Variants in ANO1 observed in about 807,000 individuals in gnomAD.
ANO1 encodes the protein anoctamin 1, also known as anoctamin-1.
ANO1 carries 59 observed loss-of-function variants against 124.0 expected under a neutral mutation model. The observed-to-expected ratio is 0.48, with a 90% CI of 0.39 to 0.59. The LOEUF is 0.59. Among genes scored for constraint, ANO1 ranks in the 20% least tolerant of loss-of-function variants. ANO1 has a pLI of 0.00. For synonymous variants in ANO1, 529 were observed against 532.0 expected (o/e 0.99, Z 0.08); for missense variants, 1,059 against 1,328.0 (o/e 0.80, Z 3.15).
intron 1 of ANO1, among the ~76,000 whole-genome samples, chr11:69,991,410 C>G (rs1352254461): frequency 6.6e-6 from 1 of 152,176 alleles, no homozygotes; most frequent in African/African-American, 2.4e-5. Flanking sequence ...GAGACAGATT[C>G]CTCCATTGAC....
chr11:70,046,763 A>G (rs1350063357), intron 1 of ANO1, among the ~76,000 whole-genome samples: 1 of 152,078 alleles, frequency 6.6e-6, no homozygotes, highest in Non-Finnish European at 1.5e-5. Context: ...ATGATGTAAA[A>G]TGGGATCCTG....
chr11:70,168,575 T>C (rs1387282236), intron 21 of ANO1, among the ~76,000 whole-genome samples: 1 of 152,016 alleles, frequency 6.6e-6, no homozygotes, highest in African/African-American at 2.4e-5. Flanking sequence ...CAGTGGGTGC[T>C]CAATGTGTGT....
chr11:70,155,651 G>A (rs1306838123), intron 14 of ANO1, among the ~76,000 whole-genome samples: 4 of 152,214 alleles, frequency 2.6e-5, no homozygotes, highest in African/African-American at 4.8e-5. Context: ...GGCATGACGC[G>A]GTCCAGTGGA....
intron 1 of ANO1, among the ~76,000 whole-genome samples, chr11:70,053,943 C>A (rs782076976): frequency 6.6e-6 from 1 of 152,186 alleles, no homozygotes; most frequent in Non-Finnish European, 1.5e-5. Context: ...TCCGTTTTCT[C>A]TAGATTTTCC....
intron 11 of ANO1, among the ~76,000 whole-genome samples, chr11:70,141,373 G>A (rs2047148348): frequency 6.6e-6 from 1 of 152,130 alleles, no homozygotes; most frequent in Non-Finnish European, 1.5e-5. Flanking sequence ...TCTGGGAGTG[G>A]GGGACTCTGT....
intron 5 of ANO1, among the ~76,000 whole-genome samples, chr11:70,107,614 T>A (rs935882001): frequency 1.1e-4 from 16 of 152,024 alleles, no homozygotes; most frequent in African/African-American, 3.9e-4. Context: ...GCACGACCAG[T>A]TCTTCTCACC....
intron 1 of ANO1, among the ~76,000 whole-genome samples, chr11:70,066,583 T>C (rs1857725554): frequency 6.7e-6 from 1 of 148,822 alleles, no homozygotes; most frequent in South Asian, 2.1e-4. Context: ...ATGTCTGCAA[T>C]GTGTTGAGGG....
intron 1 of ANO1, chr11:70,018,399 T>C (rs1368517105): frequency 6.6e-6 from 1 of 152,114 alleles, no homozygotes; most frequent in Non-Finnish European, 1.5e-5. Context: ...TCCAGCATCA[T>C]GGATGGATGG....
At chr11:70,004,910 C>T (rs547385773) in intron 1 of ANO1, among the ~76,000 whole-genome samples, 6 of 152,198 alleles carry the variant, frequency 3.9e-5, no homozygotes, top group South Asian at 4.2e-4. Context: ...GTCAGGAGTT[C>T]GAGACCAGCC....
chr11:70,089,763 G>A (rs562289706), intron 2 of ANO1, among the ~76,000 whole-genome samples: 5 of 152,322 alleles, frequency 3.3e-5, no homozygotes, highest in East Asian at 1.9e-4. Context: ...TGGAACAGGC[G>A]AGCAGTGGAT....
intron 6 of ANO1, among the ~76,000 whole-genome samples, chr11:70,108,986 C>A (rs2045665752): frequency 6.6e-6 from 1 of 152,204 alleles, no homozygotes; most frequent in African/African-American, 2.4e-5. Flanking sequence ...CTGGGAACCA[C>A]CCCCCACAGT....
At chr11:69,982,861 A>C (rs1328108335), upstream of ANO1, among the ~76,000 whole-genome samples, 3 of 152,160 alleles carry the variant, frequency 2.0e-5, no homozygotes, top group Admixed American at 6.5e-5. Context: ...CGAACTGAAA[A>C]CAGACTTCCT....
chr11:70,185,694 A>T lies in ANO1; in HGVS notation c.2693A>T (p.Gln898Leu). The change falls in exon 25 of 26, where the codon CAG (glutamine) becomes CTG (leucine). Residue 898 changes from glutamine to leucine, a missense_variant and splice_region_variant. Around this residue, in one of 2 missense-constraint regions of ANO1, gnomAD observed 809 missense variants for 1,094.9 expected, o/e 0.74. Transcript: ENST00000355303. ...CGGCTGGCGTTTGTCATCGTCTTCC[A>T]GGTGCGGTGGGTCCCTCTTTGTTTC... ...AARLAFVIVF[Q>L]NLVMFMSDFV... 1 of 1,613,646 alleles carries T rather than the reference A, an allele frequency of 6.2e-7. No individual in the cohort carries two copies. Among genetic ancestry groups the T allele is most frequent in the Non-Finnish European group, 8.5e-7 (1 of 1,179,620 alleles).
upstream of ANO1, among the ~76,000 whole-genome samples, chr11:69,985,267 C>T (rs1856014560): frequency 1.3e-5 from 2 of 150,478 alleles, no homozygotes; most frequent in South Asian, 4.2e-4. Context: ...CATTCCCCCA[C>T]TTTGAAACCC....
intron 2 of ANO1, among the ~76,000 whole-genome samples, chr11:70,100,975 G>T (rs1233192769): frequency 1.3e-5 from 2 of 152,204 alleles, no homozygotes; most frequent in African/African-American, 4.8e-5. Context: ...CGTAGGGCAG[G>T]CCTCGTGGAC....
intron 21 of ANO1, among the ~76,000 whole-genome samples, chr11:70,168,537 C>T (rs373569004): frequency 6.6e-6 from 1 of 152,108 alleles, no homozygotes; most frequent in African/African-American, 2.4e-5. Context: ...CATCCCATAG[C>T]CCTACCCCTA....
chr11:70,186,186 C>T (rs754741376), intron 25 of ANO1, among the ~76,000 whole-genome samples: 2 of 151,984 alleles, frequency 1.3e-5, no homozygotes, highest in Non-Finnish European at 2.9e-5. Flanking sequence ...ACTCAGGAGG[C>T]TGAGGCAAGA....
chr11:70,150,124 C>T (rs772686911), intron 12 of ANO1, among the ~76,000 whole-genome samples: 3 of 152,180 alleles, frequency 2.0e-5, no homozygotes, highest in Non-Finnish European at 4.4e-5. Flanking sequence ...CCTGGGCTGT[C>T]GGCACCACCC....
chr11:69,993,636 G>C (rs1856199418), intron 1 of ANO1, among the ~76,000 whole-genome samples: 1 of 152,142 alleles, frequency 6.6e-6, no homozygotes, highest in African/African-American at 2.4e-5. Context: ...CTGTATCCTT[G>C]CCCCTTGGTT....
Sources: gnomAD v4.1 joint callset for allele counts (sites outside exome capture counted in the v4.1 genomes callset) on GRCh38, gnomAD v4.1.1 for gene constraint, gnomAD v4.1.1 regional missense constraint, MANE v1.5 for transcripts, NCBI Gene and HGNC (gene_info 2026-07-23, HGNC 2026-07-21) for gene names.